The following CUX1 variants were observed in gnomAD, a reference collection of about 807,000 sequenced individuals.
CUX1 encodes cut like homeobox 1, also known as protein CASP.
Under a neutral mutation model 158.8 loss-of-function variants are expected in CUX1, and 31 were observed. That is an observed-to-expected ratio of 0.20 (90% CI 0.15 to 0.26). The LOEUF (loss-of-function observed/expected upper bound fraction) is 0.26, where lower values mean the gene tolerates loss of function less well. Ranked by LOEUF, CUX1 falls within the 10% of genes least tolerant of loss-of-function variation. The probability of loss-of-function intolerance (pLI) is 1.00; values close to 1 mark genes in which losing one functional copy is unlikely to be tolerated. For missense variants in CUX1, 1,589 were observed against 2,014.6 expected (o/e 0.79, Z 4.04); for synonymous variants, 879 against 862.1 (o/e 1.02, Z -0.34).
chr7:101,858,383 T>G (rs538325029), intron 1 of CUX1, among the ~76,000 whole-genome samples: 2 of 152,160 alleles, frequency 1.3e-5, no homozygotes, highest in Admixed American at 1.3e-4. Flanking sequence ...AGCTCACATG[T>G]CCCCTTCTCA....
At chr7:101,971,286 A>G (rs1811919786) in intron 2 of CUX1, among the ~76,000 whole-genome samples, 1 of 152,142 alleles carries the variant, frequency 6.6e-6, no homozygotes, top group South Asian at 2.1e-4. Flanking sequence ...ATGGCTTGCA[A>G]AGTTACAGTT....
intron 21 of CUX1, among the ~76,000 whole-genome samples, chr7:102,229,390 G>A (rs1247820982): frequency 1.3e-5 from 2 of 150,214 alleles, no homozygotes; most frequent in East Asian, 2.0e-4. Context: ...ACAGCCTCTC[G>A]GCTCACTGAA....
intron 4 of CUX1, among the ~76,000 whole-genome samples, chr7:102,073,397 T>C (rs1264476536): frequency 6.6e-6 from 1 of 152,090 alleles, no homozygotes; most frequent in African/African-American, 2.4e-5. Flanking sequence ...GGTCTCAAAC[T>C]CCTGACCTCA....
chr7:101,948,231 A>T (rs1024676399), intron 2 of CUX1, among the ~76,000 whole-genome samples: 1 of 152,154 alleles, frequency 6.6e-6, no homozygotes, highest in East Asian at 1.9e-4. Context: ...TTTTTGTCCT[A>T]TTCTATTACG....
At chr7:102,282,934 C>T (rs1258567198) in intron 22 of CUX1, 1 of 846,264 alleles carries the variant, frequency 1.2e-6, no homozygotes, top group Non-Finnish European at 1.9e-6. Flanking sequence ...GTATCCACTA[C>T]CCCCTAGCCC....
At chr7:102,184,209 T>C (rs1417846942) in intron 11 of CUX1, among the ~76,000 whole-genome samples, 4 of 152,230 alleles carry the variant, frequency 2.6e-5, no homozygotes, top group African/African-American at 9.6e-5. Context: ...TAGATAGACA[T>C]AGTTTATAGA....
intron 21 of CUX1, among the ~76,000 whole-genome samples, chr7:102,230,249 G>T (rs1302060037): frequency 6.6e-6 from 1 of 151,992 alleles, no homozygotes; most frequent in African/African-American, 2.4e-5. Flanking sequence ...GCTGAGGCAG[G>T]TGGATCACCT....
intron 1 of CUX1, among the ~76,000 whole-genome samples, chr7:101,847,777 T>C (rs138385723): frequency 7.0e-4 from 106 of 151,682 alleles, no homozygotes; most frequent in African/African-American, 2.4e-3. Context: ...CCATAGAAAC[T>C]GCTTTAAAGG....
intron 17 of CUX1, among the ~76,000 whole-genome samples, chr7:102,277,776 A>G (rs1554548040): frequency 6.6e-6 from 1 of 152,070 alleles, no homozygotes; most frequent in Non-Finnish European, 1.5e-5. Flanking sequence ...CTGACCCAAG[A>G]TCCCTGACTT....
intron 1 of CUX1, among the ~76,000 whole-genome samples, chr7:101,849,107 G>A (rs1039492202): frequency 2.0e-5 from 3 of 152,130 alleles, no homozygotes; most frequent in South Asian, 2.1e-4. Context: ...TCTCTGAAGG[G>A]TGGGTAGTTG....
chr7:101,970,865 C>T (rs1256324514), intron 2 of CUX1, among the ~76,000 whole-genome samples: 1 of 152,106 alleles, frequency 6.6e-6, no homozygotes, highest in African/African-American at 2.4e-5. Flanking sequence ...TGAACCTTCC[C>T]ATTTCTAATC....
At chr7:101,833,411 T>G (rs1584693718) in intron 1 of CUX1, among the ~76,000 whole-genome samples, 1 of 149,006 alleles carries the variant, frequency 6.7e-6, no homozygotes, top group African/African-American at 2.5e-5. Context: ...AGAAATTAGC[T>G]GAGCGTGATG....
At chr7:101,847,385 C>T (rs1370009537) in intron 1 of CUX1, among the ~76,000 whole-genome samples, 2 of 152,170 alleles carry the variant, frequency 1.3e-5, no homozygotes, top group East Asian at 3.9e-4. Context: ...TCCCTATCAG[C>T]AGCCATGCGT....
At chr7:102,151,727 C>CAA (rs1159017025) in intron 8 of CUX1, among the ~76,000 whole-genome samples, 410 of 38,888 alleles carry the variant, frequency 0.011, 18 homozygotes, top group East Asian at 0.016. Flanking sequence ...GACTCTGTCT[C>CAA]AAAAAAAAAA....
exon 23 of CUX1, chr7:102,283,385 G>A (rs544341577): frequency 2.1e-5 from 9 of 429,850 alleles, no homozygotes; most frequent in East Asian, 1.5e-4. Flanking sequence ...CTCTAGCCCT[G>A]GTGGCAGAGG....
intron 13 of CUX1, among the ~76,000 whole-genome samples, chr7:102,195,076 C>T (rs1794649044): frequency 6.7e-6 from 1 of 150,148 alleles, no homozygotes. Context: ...TGGAATCTGA[C>T]TCCTGATGCC....
intron 4 of CUX1, among the ~76,000 whole-genome samples, chr7:102,086,803 T>C (rs1827996440): frequency 6.6e-6 from 1 of 152,174 alleles, no homozygotes. Context: ...TTGATTTGCA[T>C]AGTTTAAAGC....
intron 1 of CUX1, among the ~76,000 whole-genome samples, chr7:101,888,963 G>A (rs533170150): frequency 1.1e-3 from 163 of 151,952 alleles, no homozygotes; most frequent in African/African-American, 3.7e-3. Flanking sequence ...CCTCTATTTT[G>A]CATATCAGAA....
rs782776398 is a variant in CUX1, at chr7:102,239,451, G to A, written c.3754G>A (p.Ala1252Thr). 1 of 1,614,032 alleles carries A rather than the reference G, an allele frequency of 6.2e-7. No homozygotes were observed. Among genetic ancestry groups the A allele is most frequent in the Non-Finnish European group, 8.5e-7 (1 of 1,179,934 alleles). The change falls in exon 23 of 24, where the codon GCT becomes ACT. Residue 1252 changes from alanine to threonine, a missense_variant. Ala to Thr is a moderately conservative substitution (Grantham distance 58, BLOSUM62 0). This residue lies in a region of CUX1 where 259 missense variants were observed against 373.8 expected (regional missense o/e 0.69). Transcript: ENST00000292535. ...HQLKKPRVVL[A>T]PEEKEALKRA... ...GCTGAAGAAACCCCGGGTGGTGCTGGCTCCGGAGGAGAAGGAGGCGCTGAA... is the reference window on the plus strand; with the variant it reads ...GCTGAAGAAACCCCGGGTGGTGCTGACTCCGGAGGAGAAGGAGGCGCTGAA...
Sources: allele counts gnomAD v4.1 joint callset (sites outside exome capture counted in the v4.1 genomes callset), GRCh38; gene constraint gnomAD v4.1.1; regional missense constraint gnomAD v4.1.1; transcripts MANE v1.5; gene names NCBI Gene and HGNC (gene_info 2026-07-23, HGNC 2026-07-21).